CRYZL1: variants seen among roughly 807,000 people sequenced by gnomAD.
The protein encoded by CRYZL1 is ferry endosomal RAB5 effector complex subunit 4.
Under a neutral mutation model 50.6 loss-of-function variants are expected in CRYZL1, and 34 were observed. That is an observed-to-expected ratio of 0.67 (90% CI 0.51 to 0.89). The LOEUF (loss-of-function observed/expected upper bound fraction) is 0.89, where lower values mean the gene tolerates loss of function less well. Ranked by LOEUF, CRYZL1 falls within the 40% of genes least tolerant of loss-of-function variation. The pLI is 0.00. For synonymous variants in CRYZL1, 125 were observed against 134.3 expected, an observed-to-expected ratio of 0.93 and a Z score of 0.48; for missense variants, 354 against 402.3, an observed-to-expected ratio of 0.88 and a Z score of 1.03.
intron 2 of CRYZL1, among the ~76,000 whole-genome samples, chr21:33,629,066 C>CA (rs34593721): frequency 4.6e-4 from 67 of 144,950 alleles, no homozygotes; most frequent in Middle Eastern, 3.5e-3. Context: ...CTGCCTCTAC[C>CA]AAAAAAAAAA....
At chr21:33,605,826 G>T (rs1294107372) in intron 6 of CRYZL1, among the ~76,000 whole-genome samples, 5 of 151,924 alleles carry the variant, frequency 3.3e-5, no homozygotes, top group East Asian at 1.9e-4. Flanking sequence ...GCCTGGCCAA[G>T]AAATTCTTTC....
intron 11 of CRYZL1, among the ~76,000 whole-genome samples, chr21:33,593,497 A>G (rs546245914): frequency 6.6e-6 from 1 of 152,308 alleles, no homozygotes; most frequent in South Asian, 2.1e-4. Flanking sequence ...TAAAATTCTT[A>G]CCTGTGTGCA....
chr21:33,598,947 G>T (rs891418054), intron 9 of CRYZL1, among the ~76,000 whole-genome samples: 1 of 151,846 alleles, frequency 6.6e-6, no homozygotes, highest in Non-Finnish European at 1.5e-5. Flanking sequence ...AGATAAGCAT[G>T]TTCTCTCTTA....
At chr21:33,607,654 A>G (rs1219437972) in intron 6 of CRYZL1, among the ~76,000 whole-genome samples, 1 of 152,184 alleles carries the variant, frequency 6.6e-6, no homozygotes, top group Non-Finnish European at 1.5e-5. Context: ...GCAAACAAAA[A>G]ACAAAACACC....
intron 6 of CRYZL1, among the ~76,000 whole-genome samples, chr21:33,610,727 GTTT>G (rs747790692): frequency 1.3e-3 from 132 of 101,434 alleles, no homozygotes; most frequent in Admixed American, 2.7e-3. Flanking sequence ...TTGTTTGGTT[GTTT>G]TTTTTTTTTT....
intron 10 of CRYZL1, 59 bp downstream of exon 10, chr21:33,597,221 T>C: frequency 1.3e-6 from 2 of 1,540,814 alleles, no homozygotes; most frequent in Non-Finnish European, 1.8e-6. Flanking sequence ...TTAGGCATTA[T>C]TGTTTGTTAA....
chr21:33,615,137 CTTTCT>C (rs1393653769), intron 5 of CRYZL1, among the ~76,000 whole-genome samples: 1 of 142,032 alleles, frequency 7.0e-6, no homozygotes, highest in Non-Finnish European at 1.5e-5. Context: ...AATATTTTTT[CTTTCT>C]TTTCTTTCTC....
rs375111667 is a variant in CRYZL1 at position 33,596,098 on chromosome 21, T to C, written c.799-262A>G. The C allele has an allele frequency of 1.2e-4, 73 of 600,542 alleles. 1 individual carries two copies. In the East Asian group the frequency reaches 1.7e-3, roughly 14 times the overall value. 37.2% of individuals were successfully genotyped at this position (600,542 alleles called of 1,614,324 possible). A position where few individuals can be genotyped will look rare whatever the true frequency, so the allele number is the denominator to read the frequency against. On this transcript the variant is annotated intron_variant, in intron 10 of 12. Coordinates refer to ENST00000381554, the MANE Select transcript of CRYZL1 (RefSeq NM_145858.3). ...AGTGGTAGGGGTGTGTGTGTGTCTT[T>C]TCTGGCCATCTTCATGAGGGTGTTG... is the stretch of plus-strand genomic sequence containing the variant.
chr21:33,597,652 G>A lies in CRYZL1; in HGVS notation c.677-251C>T, dbSNP rs150115310. On this transcript the variant is annotated intron_variant, in intron 9 of 12. Transcript: ENST00000381554. ...TTTTGAGACGGAGTCTCGCTCTGTC[G>A]CCCAGGCTGGAGTGCAGTGGCGCGA... 5.5e-4 allele frequency among the ~76,000 whole-genome samples: 84 copies of A among 151,724 alleles called. 1 individual carries two copies. The East Asian group carries it at 0.013, about 24-fold the overall frequency.
rs773026762 is a variant in CRYZL1, at chr21:33,616,619, T to A, written c.262+87A>T. ...GAAAGTACTTCTATATGAAGCAAGG[T>A]CACAGTGAACATTAATAGTTATATA... On this transcript the variant is annotated intron_variant, in intron 5 of 12. Coordinates refer to ENST00000381554, the MANE Select transcript of CRYZL1 (RefSeq NM_145858.3). 26 of 1,596,080 alleles carry A rather than the reference T, an allele frequency of 1.6e-5. No homozygotes were observed. In the Admixed American group the frequency reaches 4.4e-4, roughly 27 times the overall value.
At chr21:33,612,431 C>T (rs972899787) in intron 6 of CRYZL1, among the ~76,000 whole-genome samples, 9 of 152,070 alleles carry the variant, frequency 5.9e-5, no homozygotes, top group African/African-American at 9.7e-5. Flanking sequence ...GGATTACAGG[C>T]GTGCGCCAAC....
At position 33,591,155 on chromosome 21, in the gene CRYZL1, A is replaced by G. The variant is rs750630911; in HGVS notation, c.950+7T>C. The G allele has an allele frequency of 6.3e-6, 10 of 1,597,316 alleles. No homozygotes were observed. The highest frequency in any genetic ancestry group is 5.0e-5 in the Admixed American group (3 of 59,998). ...ACAAGAACAATGATTTGGTTACTTT[A>G]GCGTACCTGAAAACACCAGTTGATA... is the stretch of plus-strand genomic sequence containing the variant. On this transcript the variant is annotated splice_region_variant and intron_variant, in intron 12 of 12. Transcript: ENST00000381554.
intron 4 of CRYZL1, among the ~76,000 whole-genome samples, chr21:33,620,695 C>T (rs1327022809): frequency 6.6e-6 from 1 of 151,690 alleles, no homozygotes; most frequent in East Asian, 1.9e-4. Context: ...GCCTGTAGCC[C>T]CAGCTACTTG....
chr21:33,616,519 C>A, intron 5 of CRYZL1, 187 bp downstream of exon 5: 1 of 1,175,174 alleles, frequency 8.5e-7, no homozygotes, highest in South Asian at 1.4e-5. Flanking sequence ...CTCGAACTCC[C>A]GACCTCAGGT....
At chr21:33,623,034 C>T (rs1293068823) in intron 3 of CRYZL1, among the ~76,000 whole-genome samples, 7 of 148,224 alleles carry the variant, frequency 4.7e-5, no homozygotes, top group African/African-American at 1.0e-4. Context: ...GGTGTGATCT[C>T]GGCTCACTGC....
rs1385855499 is a variant in CRYZL1 at position 33,595,540 on chromosome 21, GGAT to G, written c.904+188_904+190del. 3.6e-5 allele frequency: 45 copies of G among 1,259,434 alleles called. 1 individual carries two copies. In the Middle Eastern group the frequency reaches 3.8e-3, roughly 105 times the overall value. 78.0% of individuals were successfully genotyped at this position (1,259,434 alleles called of 1,614,324 possible). ...TTCTGTTTCTTCACCTGTGAAATGG[GGAT>G]GATAACAGTACTTACATCTCAAAAG... On this transcript the variant is annotated intron_variant, in intron 11 of 12. Transcript: ENST00000381554.
rs115146537 is a variant in CRYZL1, at chr21:33,634,008, C to T, written c.-6-2451G>A. Among the ~76,000 whole-genome samples, 826 of 152,228 alleles carry T rather than the reference C, an allele frequency of 5.4e-3. 7 individuals carry two copies. Among genetic ancestry groups the T allele is most frequent in the African/African-American group, 0.019 (793 of 41,522 alleles). Reference sequence around the variant, plus strand: ...GTAGTTGAGCAATGGTTGTTGGTTTCTCGGACGTGATAATCAAACGCTGGA... The same window carrying T: ...GTAGTTGAGCAATGGTTGTTGGTTTTTCGGACGTGATAATCAAACGCTGGA... On this transcript the variant is annotated intron_variant, in intron 1 of 12. Coordinates refer to ENST00000381554, the MANE Select transcript of CRYZL1 (RefSeq NM_145858.3).
At chr21:33,599,055 A>G in intron 9 of CRYZL1, 95 bp downstream of exon 9, 1 of 1,025,696 alleles carries the variant, frequency 9.7e-7, no homozygotes, top group Non-Finnish European at 1.4e-6. Flanking sequence ...CTGGTTTAAT[A>G]AGTGCATTAA....
intron 11 of CRYZL1, 59 bp from the exon 12 acceptor site, chr21:33,591,266 T>C: frequency 7.2e-7 from 1 of 1,381,554 alleles, no homozygotes; most frequent in Non-Finnish European, 1.0e-6. Flanking sequence ...AACCATTCAA[T>C]AAGCAGAGGA....
Sources: allele counts gnomAD v4.1 joint callset (sites outside exome capture counted in the v4.1 genomes callset), GRCh38; gene constraint gnomAD v4.1.1; transcripts MANE v1.5; gene names NCBI Gene and HGNC (gene_info 2026-07-23, HGNC 2026-07-21).